CNTN4: variants seen among roughly 807,000 people sequenced by gnomAD.
CNTN4 encodes the protein contactin 4, also known as contactin-4.
Under a neutral mutation model 122.5 loss-of-function variants are expected in CNTN4, and 77 were observed. That is an observed-to-expected ratio of 0.63 (90% CI 0.52 to 0.76). The LOEUF (loss-of-function observed/expected upper bound fraction) is 0.76, where lower values mean the gene tolerates loss of function less well. Ranked by LOEUF, CNTN4 falls within the 30% of genes least tolerant of loss-of-function variation. The pLI, the probability that CNTN4 is intolerant of heterozygous loss-of-function variation, is 0.00. For synonymous variants in CNTN4, 512 were observed against 447.0 expected, an observed-to-expected ratio of 1.15 and a Z score of -1.83; for missense variants, 1,256 against 1,259.1, an observed-to-expected ratio of 1.00 and a Z score of 0.04.
chr3:2,216,220 A>T (rs2038835246), intron 2 of CNTN4, among the ~76,000 whole-genome samples: 3 of 152,202 alleles, frequency 2.0e-5, no homozygotes, highest in African/African-American at 2.4e-5. Context: ...AAAGGATGAG[A>T]TTATGTCTTT....
At chr3:2,606,633 T>C (rs546782753) in intron 4 of CNTN4, among the ~76,000 whole-genome samples, 1 of 152,310 alleles carries the variant, frequency 6.6e-6, no homozygotes, top group East Asian at 1.9e-4. Flanking sequence ...TAAGTTGACA[T>C]TAGTTTTGTT....
At chr3:2,930,808 A>G (rs568938809) in intron 13 of CNTN4, among the ~76,000 whole-genome samples, 219 of 152,236 alleles carry the variant, frequency 1.4e-3, no homozygotes, top group Middle Eastern at 6.8e-3. Flanking sequence ...GAGAGAGAGA[A>G]AAAAAAGGAG....
At position 3,043,139 on chromosome 3, in the gene CNTN4, G is replaced by A. The variant is rs557621977; in HGVS notation, c.2674G>A (p.Val892Ile). 6.2e-7 allele frequency: 1 copy of A among 1,614,146 alleles called. No homozygotes were observed. The highest frequency in any genetic ancestry group is 1.3e-5 in the African/African-American group (1 of 75,054). ...SAGTGPSSAT[V>I]NVTTRKPPPS... Reference sequence around the variant, plus strand: ...TGGGACAGGCCCCTCTAGTGCAACAGTCAATGTGACAACCCGAAAGCCACG... The same window carrying A: ...TGGGACAGGCCCCTCTAGTGCAACAATCAATGTGACAACCCGAAAGCCACG... The change falls in exon 22 of 25, where the codon GTC becomes ATC. Residue 892 changes from valine to isoleucine, a missense_variant. Transcript: ENST00000418658.
chr3:2,925,766 A>C lies in CNTN4; in HGVS notation c.1345A>C (p.Lys449Gln), dbSNP rs1425739138. ...YTWKKGRDILKENERITISED... is the reference protein window; with the variant it reads ...YTWKKGRDILQENERITISED... ...CTGGAAGAAAGGAAGGGATATATTA[A>C]AAGAAAATGAAAGGTACTGTCTTGA... The change falls in exon 13 of 25, where the codon AAA becomes CAA. Residue 449 changes from lysine (K) to glutamine (Q), a missense_variant. By Grantham distance (53) the Lys-to-Gln change is moderately conservative. Transcript: ENST00000418658. The C allele has an allele frequency of 6.2e-7, 1 of 1,613,028 alleles. No homozygotes were observed. Among genetic ancestry groups the C allele is most frequent in the Non-Finnish European group, 8.5e-7 (1 of 1,179,162 alleles).
intron 2 of CNTN4, among the ~76,000 whole-genome samples, chr3:2,156,256 C>CA (rs2035714371): frequency 6.6e-6 from 1 of 152,084 alleles, no homozygotes; most frequent in Admixed American, 6.5e-5. Context: ...TTGTGGGATT[C>CA]AAAAAACGGA....
chr3:2,212,870 G>A (rs1559346855), intron 2 of CNTN4, among the ~76,000 whole-genome samples: 1 of 152,152 alleles, frequency 6.6e-6, no homozygotes, highest in Non-Finnish European at 1.5e-5. Flanking sequence ...TATATAGCTT[G>A]GGTTGAGATT....
At chr3:2,792,183 T>C (rs1406353224) in intron 6 of CNTN4, among the ~76,000 whole-genome samples, 1 of 152,182 alleles carries the variant, frequency 6.6e-6, no homozygotes, top group Non-Finnish European at 1.5e-5. Context: ...GACATGGACA[T>C]TCTTTCGGGG....
rs77171811 is a variant in CNTN4, at chr3:2,488,113, C to T, written c.-88-83303C>T. Among the ~76,000 whole-genome samples the T allele has an allele frequency of 2.8e-3, 433 of 152,258 alleles. 2 individuals are homozygous for T. The highest frequency in any genetic ancestry group is 9.6e-3 in the African/African-American group (401 of 41,560). On this transcript the variant is annotated intron_variant, in intron 3 of 24. Coordinates refer to ENST00000418658, the MANE Select transcript of CNTN4 (RefSeq NM_175607.3). ...ACACATTTACTTCCTTGGGCATTAG[C>T]CAGAATGCACATTTTATGATCACTT...
intron 7 of CNTN4, among the ~76,000 whole-genome samples, chr3:2,861,714 G>T (rs1322469824): frequency 6.6e-6 from 1 of 152,134 alleles, no homozygotes; most frequent in Non-Finnish European, 1.5e-5. Context: ...GAGTGTGTGT[G>T]TGTGCACGTG....
At chr3:2,427,070 C>CTTCAG (rs1237535459) in intron 3 of CNTN4, among the ~76,000 whole-genome samples, 2 of 152,132 alleles carry the variant, frequency 1.3e-5, no homozygotes, top group African/African-American at 4.8e-5. Flanking sequence ...TCTCTATCTC[C>CTTCAG]TTCAGTTCTA....
At chr3:2,373,319 G>A (rs1559496460) in intron 3 of CNTN4, among the ~76,000 whole-genome samples, 3 of 152,332 alleles carry the variant, frequency 2.0e-5, no homozygotes, top group African/African-American at 7.2e-5. Context: ...AGAGATTAAT[G>A]AAATAATTAC....
chr3:2,567,081 A>ATT (rs373707875), intron 3 of CNTN4, among the ~76,000 whole-genome samples: 1,225 of 103,254 alleles, frequency 0.012, 40 homozygotes, highest in African/African-American at 0.036. Context: ...CAAGTCCAGA[A>ATT]TTTTTTTTTT....
At chr3:2,751,651 A>T (rs987030763) in intron 6 of CNTN4, among the ~76,000 whole-genome samples, 7 of 152,130 alleles carry the variant, frequency 4.6e-5, no homozygotes, top group African/African-American at 1.4e-4. Context: ...TCTATACAGA[A>T]TGAAGTGCTA....
chr3:2,306,604 G>A (rs76882664), intron 2 of CNTN4, among the ~76,000 whole-genome samples: 3,572 of 151,984 alleles, frequency 0.024, 134 homozygotes, highest in African/African-American at 0.082. Context: ...TACTTGGAGC[G>A]TCTTGAATTT....
intron 4 of CNTN4, among the ~76,000 whole-genome samples, chr3:2,579,197 T>A (rs1429702675): frequency 6.6e-6 from 1 of 152,120 alleles, no homozygotes; most frequent in Non-Finnish European, 1.5e-5. Flanking sequence ...ACTGATAGAG[T>A]CTAGGGCGTA....
chr3:2,531,009 G>A (rs1001056693), intron 3 of CNTN4, among the ~76,000 whole-genome samples: 5 of 152,110 alleles, frequency 3.3e-5, no homozygotes, highest in African/African-American at 9.7e-5. Context: ...CTTCATAGAT[G>A]ACTCATGTGG....
chr3:2,411,311 A>G (rs1053858698), intron 3 of CNTN4, among the ~76,000 whole-genome samples: 17 of 152,220 alleles, frequency 1.1e-4, no homozygotes, highest in African/African-American at 4.1e-4. Flanking sequence ...CACCCTGCAC[A>G]TGTATCCCAG....
chr3:2,918,003 G>T (rs751164045), intron 12 of CNTN4, among the ~76,000 whole-genome samples: 22 of 152,084 alleles, frequency 1.4e-4, no homozygotes, highest in Admixed American at 1.2e-3. Context: ...GACTCCTAAA[G>T]AAAGTCATTT....
intron 2 of CNTN4, among the ~76,000 whole-genome samples, chr3:2,282,369 T>C (rs1446589589): frequency 6.6e-6 from 1 of 152,096 alleles, no homozygotes; most frequent in African/African-American, 2.4e-5. Context: ...GTATACAGCA[T>C]GCATTTTTTC....
Sources: allele counts gnomAD v4.1 joint callset (sites outside exome capture counted in the v4.1 genomes callset), GRCh38; gene constraint gnomAD v4.1.1; transcripts MANE v1.5; gene names NCBI Gene and HGNC (gene_info 2026-07-23, HGNC 2026-07-21).